SORCS3: variants seen among roughly 807,000 people sequenced by gnomAD.
The protein encoded by SORCS3 is sortilin related VPS10 domain containing receptor 3, also known as VPS10 domain-containing receptor SorCS3.
In SORCS3, 57 loss-of-function variants were observed where a neutral mutation model predicts 146.3. That is an observed-to-expected ratio of 0.39 (90% CI 0.31 to 0.49). SORCS3 has a LOEUF of 0.49. Among genes scored for constraint, SORCS3 ranks in the 20% least tolerant of loss-of-function variants. The probability of loss-of-function intolerance (pLI) is 0.92; values close to 1 mark genes in which losing one functional copy is unlikely to be tolerated. For missense variants in SORCS3, 1,341 were observed against 1,575.5 expected (o/e 0.85, Z 2.52); for synonymous variants, 653 against 618.5 (o/e 1.06, Z -0.83).
At chr10:105,019,063 ATTTTTTATCTTTGT>A (rs2055184402) in intron 4 of SORCS3, among the ~76,000 whole-genome samples, 1 of 151,876 alleles carries the variant, frequency 6.6e-6, no homozygotes, top group Non-Finnish European at 1.5e-5. Flanking sequence ...TTATCACCTC[ATTTTTTATCTTTGT>A]TTGACAACAC....
intron 2 of SORCS3, among the ~76,000 whole-genome samples, chr10:104,875,806 T>G (rs1589532570): frequency 2.0e-5 from 3 of 152,140 alleles, no homozygotes; most frequent in Non-Finnish European, 4.4e-5. Context: ...ATTGAGTAAG[T>G]GCTAGGCTGA....
intron 1 of SORCS3, among the ~76,000 whole-genome samples, chr10:104,678,331 G>A (rs1191970241): frequency 3.9e-5 from 6 of 152,118 alleles, no homozygotes; most frequent in East Asian, 1.9e-4. Context: ...TGTTAAGTGC[G>A]TTCCTATGTG....
intron 3 of SORCS3, among the ~76,000 whole-genome samples, chr10:104,960,802 T>C (rs1011671660): frequency 2.6e-5 from 4 of 152,166 alleles, no homozygotes; most frequent in African/African-American, 9.7e-5. Flanking sequence ...AGGAAGAATT[T>C]AAGGTCCAAT....
chr10:104,778,933 T>G (rs1365943497), intron 1 of SORCS3, among the ~76,000 whole-genome samples: 3 of 152,172 alleles, frequency 2.0e-5, no homozygotes, highest in Non-Finnish European at 4.4e-5. Context: ...AAAGGGACTT[T>G]GCATACATGA....
chr10:105,224,024 A>G (rs966786444), intron 20 of SORCS3, among the ~76,000 whole-genome samples: 3 of 152,206 alleles, frequency 2.0e-5, no homozygotes, highest in African/African-American at 4.8e-5. Flanking sequence ...AGCCTCCTCC[A>G]TTATCAACAT....
At chr10:105,234,218 A>G (rs917172682) in intron 20 of SORCS3, among the ~76,000 whole-genome samples, 2 of 151,740 alleles carry the variant, frequency 1.3e-5, no homozygotes, top group Admixed American at 6.6e-5. Flanking sequence ...TCTTGCTTAC[A>G]TGGTTTCTGG....
chr10:105,175,118 G>T (rs1002278284), intron 13 of SORCS3, among the ~76,000 whole-genome samples: 1 of 152,158 alleles, frequency 6.6e-6, no homozygotes, highest in Non-Finnish European at 1.5e-5. Context: ...CACAATCTCG[G>T]CTCGCTGCAA....
chr10:105,021,722 C>G (rs553735749), intron 4 of SORCS3, among the ~76,000 whole-genome samples: 1 of 152,274 alleles, frequency 6.6e-6, no homozygotes, highest in East Asian at 1.9e-4. Context: ...CAGGAAGCCA[C>G]CAGCTTTCAT....
At chr10:104,991,169 C>T (rs1202963518) in intron 4 of SORCS3, among the ~76,000 whole-genome samples, 1 of 152,082 alleles carries the variant, frequency 6.6e-6, no homozygotes, top group Non-Finnish European at 1.5e-5. Flanking sequence ...AAAAGTTTCT[C>T]CTTGCGGGTG....
intron 3 of SORCS3, among the ~76,000 whole-genome samples, chr10:104,951,293 C>T (rs1564720646): frequency 6.6e-6 from 1 of 152,114 alleles, no homozygotes; most frequent in Non-Finnish European, 1.5e-5. Flanking sequence ...ACACCTTCAA[C>T]ACTGCCTTGC....
At position 104,804,997 on chromosome 10, in the gene SORCS3, G is replaced by A. The variant is rs181957086; in HGVS notation, c.628-37795G>A. On this transcript the variant is annotated intron_variant, in intron 1 of 26. Transcript: ENST00000369701. ...AGTAGATCCATGAGAGAAGACAAACGATGAGTGTCACCCTTAGTTGATTCT... is the reference window on the plus strand; with the variant it reads ...AGTAGATCCATGAGAGAAGACAAACAATGAGTGTCACCCTTAGTTGATTCT... 7.2e-5 allele frequency among the ~76,000 whole-genome samples: 11 copies of A among 152,250 alleles called. No homozygotes were observed. The South Asian group carries it at 8.3e-4, about 11-fold the overall frequency.
chr10:105,174,116 G>A (rs1422766236), intron 13 of SORCS3, among the ~76,000 whole-genome samples: 4 of 152,118 alleles, frequency 2.6e-5, no homozygotes, highest in Admixed American at 2.6e-4. Context: ...TAGAACTGAG[G>A]TCACTGCCAG....
intron 14 of SORCS3, among the ~76,000 whole-genome samples, chr10:105,180,797 C>G (rs1450061846): frequency 6.6e-6 from 1 of 152,090 alleles, no homozygotes; most frequent in East Asian, 1.9e-4. Context: ...GCCTGCCTTC[C>G]CTACTTAAAC....
chr10:104,658,268 G>C (rs1370270057), intron 1 of SORCS3, among the ~76,000 whole-genome samples: 3 of 152,178 alleles, frequency 2.0e-5, no homozygotes, highest in Admixed American at 6.5e-5. Flanking sequence ...GGGAGAAAGG[G>C]CTCATCCATG....
intron 3 of SORCS3, among the ~76,000 whole-genome samples, chr10:104,963,263 A>C (rs1236261589): frequency 6.6e-6 from 1 of 152,174 alleles, no homozygotes; most frequent in East Asian, 1.9e-4. Flanking sequence ...CAGAGTGGTC[A>C]TGGCAATTTA....
At chr10:104,738,763 G>A (rs1182659974) in intron 1 of SORCS3, among the ~76,000 whole-genome samples, 2 of 152,188 alleles carry the variant, frequency 1.3e-5, no homozygotes, top group Non-Finnish European at 2.9e-5. Flanking sequence ...ATTCATTGTT[G>A]AGAACTGATA....
At chr10:105,188,959 A>G (rs1037291663) in intron 14 of SORCS3, among the ~76,000 whole-genome samples, 1 of 152,210 alleles carries the variant, frequency 6.6e-6, no homozygotes, top group South Asian at 2.1e-4. Flanking sequence ...CGGAATCCAC[A>G]GCACGTTTAA....
Position 104,713,357 on chromosome 10 carries a change from G to C in SORCS3, c.627+71403G>C, listed in dbSNP as rs542506658. Among the ~76,000 whole-genome samples the C allele has an allele frequency of 3.3e-5, 5 of 152,284 alleles. No homozygotes were observed. The South Asian group carries it at 6.2e-4, about 19-fold the overall frequency. ...TCCTGTAAACCTGAGGGAAAAATCA[G>C]CTTTCACCTTTTGTCCTTTTCTGTG... is the stretch of plus-strand genomic sequence containing the variant. On this transcript the variant is annotated intron_variant, in intron 1 of 26. Transcript: ENST00000369701.
At chr10:105,241,240 G>A (rs1325364802) in intron 20 of SORCS3, among the ~76,000 whole-genome samples, 2 of 152,168 alleles carry the variant, frequency 1.3e-5, no homozygotes, top group Non-Finnish European at 2.9e-5. Flanking sequence ...GGCCCACCAT[G>A]CTTGTGGGAG....
Sources: gnomAD v4.1 joint callset for allele counts (sites outside exome capture counted in the v4.1 genomes callset) on GRCh38, gnomAD v4.1.1 for gene constraint, MANE v1.5 for transcripts, NCBI Gene and HGNC (gene_info 2026-07-23, HGNC 2026-07-21) for gene names.